Variants in DIS3L2 observed in about 807,000 individuals in gnomAD.
The protein encoded by DIS3L2 is DIS3 like 3'-5' exoribonuclease 2.
A neutral mutation model predicts 97.5 loss-of-function variants in DIS3L2; 34 were observed. The ratio of observed to expected loss-of-function variants is 0.35; its 90% CI spans 0.27 to 0.46. DIS3L2 has a LOEUF of 0.46. DIS3L2 is among the 20% of genes least tolerant of loss of function. The probability of loss-of-function intolerance (pLI) is 1.00; values close to 1 mark genes in which losing one functional copy is unlikely to be tolerated. For synonymous variants in DIS3L2, 435 were observed against 445.2 expected (o/e 0.98, Z 0.29); for missense variants, 1,038 against 1,146.0 (o/e 0.91, Z 1.36).
At chr2:232,125,325 A>G (rs563862788) in intron 6 of DIS3L2, among the ~76,000 whole-genome samples, 1 of 152,258 alleles carries the variant, frequency 6.6e-6, no homozygotes, top group Non-Finnish European at 1.5e-5. Flanking sequence ...TTGATACTCC[A>G]TCAATATTCA....
At chr2:232,241,383 T>G (rs979803160) in intron 11 of DIS3L2, among the ~76,000 whole-genome samples, 4 of 152,216 alleles carry the variant, frequency 2.6e-5, no homozygotes, top group Admixed American at 6.5e-5. Flanking sequence ...GTGGCACTGA[T>G]TTCATTCAGA....
intron 10 of DIS3L2, among the ~76,000 whole-genome samples, chr2:232,220,894 G>C (rs1692485377): frequency 6.6e-6 from 1 of 151,802 alleles, no homozygotes; most frequent in Non-Finnish European, 1.5e-5. Flanking sequence ...CCTGATGTCA[G>C]GAGTTGGAGA....
At chr2:232,100,116 A>G (rs890997761) in intron 6 of DIS3L2, among the ~76,000 whole-genome samples, 1 of 150,732 alleles carries the variant, frequency 6.6e-6, no homozygotes, top group Non-Finnish European at 1.5e-5. Flanking sequence ...GCTCACTGCA[A>G]CCTCTGCCTG....
Position 232,249,711 on chromosome 2 carries a change from G to A in DIS3L2, c.1425+365G>A, listed in dbSNP as rs116607829. ...GCCTGCAGTTAGGAGAGCAGAGCCT[G>A]TTTAGAGGAGGACATTAGGTAAAGT... On this transcript the variant is annotated intron_variant, in intron 12 of 20. Coordinates refer to ENST00000325385, the MANE Select transcript of DIS3L2 (RefSeq NM_152383.5). 2.8e-3 allele frequency among the ~76,000 whole-genome samples: 430 copies of A among 152,354 alleles called. 1 individual carries two copies. Among genetic ancestry groups the A allele is most frequent in the Non-Finnish European group, 4.7e-3 (318 of 68,030 alleles).
At chr2:232,013,258 C>G (rs1353863365) in intron 1 of DIS3L2, among the ~76,000 whole-genome samples, 2 of 152,228 alleles carry the variant, frequency 1.3e-5, no homozygotes, top group Admixed American at 1.3e-4. Flanking sequence ...CCAGATGACT[C>G]TGAGTCCTGT....
intron 11 of DIS3L2, among the ~76,000 whole-genome samples, chr2:232,244,486 G>A (rs1693192416): frequency 6.6e-6 from 1 of 152,210 alleles, no homozygotes; most frequent in African/African-American, 2.4e-5. Context: ...TCCATGTGGA[G>A]TTTGAAACAT....
chr2:231,984,990 C>T (rs902338878), intron 1 of DIS3L2, among the ~76,000 whole-genome samples: 2 of 152,154 alleles, frequency 1.3e-5, no homozygotes, highest in Non-Finnish European at 2.9e-5. Context: ...AGAGAAATCC[C>T]GTGTACCCTT....
intron 16 of DIS3L2, 76 bp from the exon 17 acceptor site, chr2:232,333,764 T>TA: frequency 7.0e-5 from 101 of 1,444,332 alleles, no homozygotes; most frequent in Admixed American, 3.3e-4. Flanking sequence ...ACGGTGAGGC[T>TA]GTGGGTGGTG....
intron 1 of DIS3L2, among the ~76,000 whole-genome samples, chr2:231,998,546 G>A (rs879159332): frequency 2.0e-5 from 3 of 152,084 alleles, no homozygotes; most frequent in Admixed American, 1.3e-4. Context: ...GCTCATTACC[G>A]GTGTTTACTT....
chr2:232,088,877 C>T (rs752108698), intron 6 of DIS3L2, among the ~76,000 whole-genome samples: 3 of 152,080 alleles, frequency 2.0e-5, no homozygotes, highest in African/African-American at 7.2e-5. Flanking sequence ...CTAGCCAAAT[C>T]GAATTTTATG....
rs1335724236 is a variant in DIS3L2, at chr2:232,249,231, A to G, written c.1318-8A>G. 1.2e-5 allele frequency: 19 copies of G among 1,613,306 alleles called. No homozygotes were observed. The highest frequency in any genetic ancestry group is 1.5e-5 in the Non-Finnish European group (18 of 1,179,924). Reference sequence around the variant, plus strand: ...AAAGGTGCTCATGGGCCTGTGCTCTATTTACAGGTGGTCCCCATGCTTCCC... The same window carrying G: ...AAAGGTGCTCATGGGCCTGTGCTCTGTTTACAGGTGGTCCCCATGCTTCCC... On this transcript the variant is annotated splice_region_variant and splice_polypyrimidine_tract_variant and intron_variant, in intron 11 of 20. Transcript: ENST00000325385.
chr2:232,021,694 C>T (rs1452411916), intron 3 of DIS3L2, among the ~76,000 whole-genome samples: 2 of 152,106 alleles, frequency 1.3e-5, no homozygotes. Flanking sequence ...TTGAGGATGA[C>T]AGCACCAAAG....
At chr2:232,341,451 A>T (rs959029361), downstream of DIS3L2, among the ~76,000 whole-genome samples, 1 of 152,222 alleles carries the variant, frequency 6.6e-6, no homozygotes, top group Non-Finnish European at 1.5e-5. Context: ...TAAGACCATG[A>T]TTGGCTCCAG....
chr2:232,235,693 T>C (rs1692913605), intron 10 of DIS3L2, among the ~76,000 whole-genome samples: 1 of 152,236 alleles, frequency 6.6e-6, no homozygotes, highest in Admixed American at 6.5e-5. Flanking sequence ...CTTTTGTCCT[T>C]CAGTCAATAT....
At chr2:232,075,696 A>C (rs933151028) in intron 5 of DIS3L2, among the ~76,000 whole-genome samples, 2 of 151,868 alleles carry the variant, frequency 1.3e-5, no homozygotes, top group African/African-American at 4.8e-5. Flanking sequence ...AACTGCTCCT[A>C]ATTTTTCTGT....
At chr2:232,017,513 C>T (rs547420289) in intron 3 of DIS3L2, among the ~76,000 whole-genome samples, 8 of 152,276 alleles carry the variant, frequency 5.3e-5, no homozygotes, top group African/African-American at 1.9e-4. Context: ...TTCATTTGCT[C>T]TTCATTGTTC....
intron 1 of DIS3L2, among the ~76,000 whole-genome samples, chr2:231,995,634 C>A (rs1361730998): frequency 6.6e-6 from 1 of 152,196 alleles, no homozygotes; most frequent in Non-Finnish European, 1.5e-5. Flanking sequence ...AAAGTGCTCC[C>A]AGGGTCTCTA....
At position 232,123,105 on chromosome 2, in the gene DIS3L2, T is replaced by G. The variant is rs535073784; in HGVS notation, c.602-7514T>G. Among the ~76,000 whole-genome samples, 4 of 152,176 alleles carry G rather than the reference T, an allele frequency of 2.6e-5. No homozygotes were observed. The South Asian group carries it at 8.3e-4, about 32-fold the overall frequency. On this transcript the variant is annotated intron_variant, in intron 6 of 20. Transcript: ENST00000325385. ...TTTTCCACAACCCTCCCACCCTAATTGGAACCCACCCACATACACCCATCT... is the reference window on the plus strand; with the variant it reads ...TTTTCCACAACCCTCCCACCCTAATGGGAACCCACCCACATACACCCATCT...
chr2:232,042,032 C>G (rs1463546465), intron 5 of DIS3L2, among the ~76,000 whole-genome samples: 2 of 152,184 alleles, frequency 1.3e-5, no homozygotes, highest in East Asian at 3.9e-4. Context: ...AAGTAGCGTT[C>G]AGCAAGGGAA....
Sources: allele counts gnomAD v4.1 joint callset (sites outside exome capture counted in the v4.1 genomes callset), GRCh38; gene constraint gnomAD v4.1.1; transcripts MANE v1.5; gene names NCBI Gene and HGNC (gene_info 2026-07-23, HGNC 2026-07-21).